PLRG1: variants seen among roughly 807,000 people sequenced by gnomAD.
PLRG1 encodes the protein pleiotropic regulator 1 (PRL1 homolog, Arabidopsis).
PLRG1 carries 28 observed loss-of-function variants against 74.9 expected under a neutral mutation model. The ratio of observed to expected loss-of-function variants is 0.37; its 90% CI spans 0.28 to 0.51. The LOEUF is 0.51. Among genes scored for constraint, PLRG1 ranks in the 20% least tolerant of loss-of-function variants. The probability of loss-of-function intolerance (pLI) is 0.91; values close to 1 mark genes in which losing one functional copy is unlikely to be tolerated. For missense variants in PLRG1, 445 were observed against 631.9 expected, an observed-to-expected ratio of 0.70 and a Z score of 3.17; for synonymous variants, 197 against 212.4, an observed-to-expected ratio of 0.93 and a Z score of 0.63.
At chr4:154,540,164 A>G in intron 10 of PLRG1, 111 bp from the exon 11 acceptor site, 1 of 664,782 alleles carries the variant, frequency 1.5e-6, no homozygotes. Context: ...GTGCCTGAAT[A>G]TAATAAAGAA....
intron 10 of PLRG1, 68 bp from the exon 11 acceptor site, chr4:154,540,121 T>A (rs748752335): frequency 8.1e-5 from 71 of 871,834 alleles, no homozygotes; most frequent in Middle Eastern, 2.2e-4. Context: ...GATAACTGGA[T>A]CAATTCAAGG....
In PLRG1 at chr4:154,545,786, C is replaced by T. The variant is rs76442540; in HGVS notation, c.492+50G>A. On this transcript the variant is annotated intron_variant, in intron 6 of 14. Transcript: ENST00000499023. ...AATTCCAAAGAAGAGGGAAATATGG[C>T]AACATGTTCCAAAAGTTAGAAACCT... is the stretch of plus-strand genomic sequence containing the variant. 2.4e-3 allele frequency: 2,506 copies of T among 1,065,546 alleles called. 59 individuals carry two copies. The African/African-American group carries it at 0.036, about 15-fold the overall frequency. The allele number at this position is 1,065,546 out of a possible 1,614,324, so 66.0% of individuals were successfully genotyped here. A position where few individuals can be genotyped will look rare whatever the true frequency, so the allele number is the denominator to read the frequency against.
At chr4:154,542,046 T>G in intron 8 of PLRG1, 141 bp downstream of exon 8, 1 of 619,570 alleles carries the variant, frequency 1.6e-6, no homozygotes, top group South Asian at 2.1e-5. Flanking sequence ...CTTATTAGTA[T>G]AAATGATAAA....
At chr4:154,538,447 A>G (rs1205422565) in intron 12 of PLRG1, among the ~76,000 whole-genome samples, 2 of 151,974 alleles carry the variant, frequency 1.3e-5, no homozygotes, top group African/African-American at 4.8e-5. Flanking sequence ...AGGGAGAGCA[A>G]GACAGGACAG....
At position 154,540,913 on chromosome 4, in the gene PLRG1, T is replaced by C; in HGVS notation, c.709A>G (p.Lys237Glu). Residue 237 changes from lysine to glutamate, a missense_variant, in exon 9 of 15, where the codon AAA (lysine) becomes GAA (glutamate). Transcript: ENST00000499023. The stretch of plus-strand genomic sequence containing the variant: ...TGCCCAGTCAATGACAGTTTTAATT[T>C]GCCACTAGCCAAGTCCCAGATCTGC... ...TIKIWDLASG[K>E]LKLSLTGHIS... 6.2e-7 allele frequency: 1 copy of C among 1,607,972 alleles called. No individual in the cohort carries two copies. The highest frequency in any genetic ancestry group is 8.5e-7 in the Non-Finnish European group (1 of 1,177,602).
Position 154,545,936 on chromosome 4 carries a change from AAAT to A in PLRG1, c.405-16_405-14del, listed in dbSNP as rs2111108684. On this transcript the variant is annotated splice_polypyrimidine_tract_variant and intron_variant, in intron 5 of 14. Coordinates refer to ENST00000499023, the MANE Select transcript of PLRG1 (RefSeq NM_002669.4). ...ATTTGCATCAGCCCTGGGGCAAAAG[AAAT>A]AATATTTTCAAAGTAATTAATGCCT... is the stretch of plus-strand genomic sequence containing the variant. The A allele has an allele frequency of 1.9e-6, 3 of 1,567,778 alleles. No homozygotes were observed. Among genetic ancestry groups the A allele is most frequent in the South Asian group, 1.1e-5 (1 of 87,644 alleles).
intron 3 of PLRG1, 132 bp downstream of exon 3, chr4:154,547,579 A>G: frequency 1.3e-6 from 1 of 750,806 alleles, no homozygotes; most frequent in Non-Finnish European, 2.2e-6. Flanking sequence ...CTTCCATTAT[A>G]ATACAGGTAC....
chr4:154,548,991 T>A, intron 1 of PLRG1, 56 bp from the exon 2 acceptor site: 1 of 993,764 alleles, frequency 1.0e-6, no homozygotes, highest in Non-Finnish European at 1.6e-6. Flanking sequence ...AATCATAACC[T>A]AAAGTCAGAT....
At chr4:154,545,334 T>C (rs749239924) in intron 6 of PLRG1, among the ~76,000 whole-genome samples, 4 of 147,660 alleles carry the variant, frequency 2.7e-5, no homozygotes, top group Non-Finnish European at 4.5e-5. Flanking sequence ...TGCAGATAAA[T>C]CAATAAAATA....
Position 154,540,870 on chromosome 4 carries a change from C to T in PLRG1, c.752G>A (p.Gly251Asp). ...TGGGCTCCTTGTGCTTACTATCACG[C>T]CCCGCACAGTACTAATATGCCCAGT... The part of the protein sequence containing the change: ...SLTGHISTVR[G>D]VIVSTRSPYL... The change falls in exon 9 of 15, where the codon GGC (glycine) becomes GAC (aspartate). Residue 251 changes from glycine to aspartate, a missense_variant. This residue lies in a region of PLRG1 where 221 missense variants were observed against 377.7 expected (regional missense o/e 0.59). Coordinates refer to ENST00000499023, the MANE Select transcript of PLRG1 (RefSeq NM_002669.4). The T allele has an allele frequency of 6.2e-7, 1 of 1,613,068 alleles. No homozygotes were observed. Among genetic ancestry groups the T allele is most frequent in the Non-Finnish European group, 8.5e-7 (1 of 1,179,100 alleles).
At chr4:154,542,635 T>G (rs1729574566) in intron 7 of PLRG1, among the ~76,000 whole-genome samples, 1 of 152,150 alleles carries the variant, frequency 6.6e-6, no homozygotes, top group African/African-American at 2.4e-5. Context: ...CCAACCTAAG[T>G]GTCCATCATG....
chr4:154,550,164 A>C (rs1729736173), intron 1 of PLRG1, 136 bp downstream of exon 1: 1 of 830,802 alleles, frequency 1.2e-6, no homozygotes, highest in Non-Finnish European at 2.1e-6. Context: ...AGAAGAGACC[A>C]CTCGGCCTTG....
Position 154,540,714 on chromosome 4 carries a change from A to G in PLRG1, c.838-19T>C. ...GTATAACCTAAAGACAAAGCAGGAA[A>G]GTTAAAACTTCTAGAATTAGAAAGA... On this transcript the variant is annotated intron_variant, in intron 9 of 14. Transcript: ENST00000499023. 1.2e-6 allele frequency: 2 copies of G among 1,609,972 alleles called. No individual in the cohort carries two copies. The highest frequency in any genetic ancestry group is 1.7e-4 in the Middle Eastern group (1 of 6,058).
Position 154,542,192 on chromosome 4 carries a change from T to C in PLRG1, c.682A>G (p.Ile228Val). ...WFVTGSADRTIKIWDLASGKL... is the reference protein window; with the variant it reads ...WFVTGSADRTVKIWDLASGKL... ...TTTTCTTCCTTCATTATTACCTTTA[T>C]AGTTCTGTCAGCAGATCCAGTAACA... Residue 228 changes from isoleucine to valine, a missense_variant, in exon 8 of 15, where the codon ATA (isoleucine) becomes GTA (valine). This residue lies in a region of PLRG1 where 221 missense variants were observed against 377.7 expected (regional missense o/e 0.59). Transcript: ENST00000499023. The C allele has an allele frequency of 6.4e-7, 1 of 1,574,338 alleles. No homozygotes were observed.
rs968449678 is a variant in PLRG1 at position 154,540,473 on chromosome 4, T to C, written c.939+121A>G. On this transcript the variant is annotated intron_variant, in intron 10 of 14. Coordinates refer to ENST00000499023, the MANE Select transcript of PLRG1 (RefSeq NM_002669.4). The stretch of plus-strand genomic sequence containing the variant: ...GTTAAGAAACTTAGGGACTAGGATA[T>C]TGATGACTCAAGACAGCTATCTTTA... 2.3e-5 allele frequency: 16 copies of C among 696,752 alleles called. No homozygotes were observed. In the South Asian group the frequency reaches 2.8e-4, roughly 12 times the overall value. The allele number at this position is 696,752 out of a possible 1,614,324, so 43.2% of individuals were successfully genotyped here.
Position 154,544,428 on chromosome 4 carries a change from A to T in PLRG1, c.594+17T>A, listed in dbSNP as rs1300467236. The T allele has an allele frequency of 1.5e-6, 2 of 1,342,226 alleles. No individual in the cohort carries two copies. Among genetic ancestry groups the T allele is most frequent in the East Asian group, 2.3e-5 (1 of 43,636 alleles). The allele number at this position is 1,342,226 out of a possible 1,614,324, so 83.1% of individuals were successfully genotyped here. A position where few individuals can be genotyped will look rare whatever the true frequency, so the allele number is the denominator to read the frequency against. ...CAATCATGGTTCACATAATAAAATA[A>T]ATGCAGAGTCACTCACCCTGTAGAG... is the stretch of plus-strand genomic sequence containing the variant. On this transcript the variant is annotated intron_variant, in intron 7 of 14. Transcript: ENST00000499023.
intron 7 of PLRG1, among the ~76,000 whole-genome samples, chr4:154,543,159 T>C (rs1480789455): frequency 2.0e-5 from 3 of 152,148 alleles, no homozygotes; most frequent in African/African-American, 4.8e-5. Flanking sequence ...TCTTTGTTTT[T>C]TGTTTTGAGA....
intron 5 of PLRG1, 84 bp downstream of exon 5, chr4:154,546,039 A>G (rs915077985): frequency 1.2e-5 from 13 of 1,073,788 alleles, no homozygotes; most frequent in Non-Finnish European, 1.8e-5. Flanking sequence ...AATGTCATAT[A>G]ATAGTTATAA....
chr4:154,544,541 G>A lies in PLRG1; in HGVS notation c.498C>T (p.Val166=), dbSNP rs1729613620. Residue 166 remains valine, a synonymous_variant, in exon 7 of 15, where the codon GTC becomes GTT. Coordinates refer to ENST00000499023, the MANE Select transcript of PLRG1 (RefSeq NM_002669.4). The part of the protein sequence containing the change: ...RPQPTAMNSI[V]METGNTKNSA... ...AGTTCTTGGTATTGCCAGTCTCCATGACAATCTAGACATAGAAGAGACATT... is the reference window on the plus strand; with the variant it reads ...AGTTCTTGGTATTGCCAGTCTCCATAACAATCTAGACATAGAAGAGACATT... 1.3e-6 allele frequency: 2 copies of A among 1,556,896 alleles called. No individual in the cohort carries two copies. Among genetic ancestry groups the A allele is most frequent in the Non-Finnish European group, 1.8e-6 (2 of 1,128,120 alleles).
Sources: gnomAD v4.1 joint callset for allele counts (sites outside exome capture counted in the v4.1 genomes callset) on GRCh38, gnomAD v4.1.1 for gene constraint, gnomAD v4.1.1 regional missense constraint, MANE v1.5 for transcripts, NCBI Gene and HGNC (gene_info 2026-07-23, HGNC 2026-07-21) for gene names.